The following MKLN1 variants were observed in gnomAD, a reference collection of about 807,000 sequenced individuals.
The protein encoded by MKLN1 is muskelin.
MKLN1 carries 18 observed loss-of-function variants against 99.0 expected under a neutral mutation model. The ratio of observed to expected loss-of-function variants is 0.18; its 90% CI spans 0.13 to 0.27. MKLN1 has a LOEUF of 0.27. MKLN1 is among the 10% of genes least tolerant of loss of function. The pLI, the probability that MKLN1 is intolerant of heterozygous loss-of-function variation, is 1.00. For missense variants in MKLN1, 621 were observed against 875.9 expected (o/e 0.71, Z 3.67); for synonymous variants, 288 against 293.2 (o/e 0.98, Z 0.18).
At chr7:131,189,428 T>C (rs764164804) in intron 2 of MKLN1, among the ~76,000 whole-genome samples, 2 of 152,134 alleles carry the variant, frequency 1.3e-5, no homozygotes, top group Non-Finnish European at 2.9e-5. Context: ...AGCATTTCTT[T>C]TCCTGGTATG....
intron 12 of MKLN1, among the ~76,000 whole-genome samples, chr7:131,462,037 A>G (rs895287554): frequency 2.0e-5 from 3 of 152,056 alleles, no homozygotes; most frequent in Non-Finnish European, 4.4e-5. Context: ...TTATTTATTT[A>G]TTTATTTGCT....
Position 131,138,117 on chromosome 7 carries a change from G to A in MKLN1, c.-418-4703G>A, listed in dbSNP as rs145010800. On this transcript the variant is annotated intron_variant, in intron 1 of 7. Coordinates refer to the MKLN1 transcript ENST00000416992. ...ATTTTGTATTTTTAGTAGAGACAAG[G>A]TTTCTCCATATTGGTCAGGCTGGTC... 5.4e-3 allele frequency among the ~76,000 whole-genome samples: 815 copies of A among 151,548 alleles called. 51 individuals are homozygous for A. In the East Asian group the frequency reaches 0.13, roughly 25 times the overall value.
chr7:131,469,533 G>A (rs1255003230), intron 15 of MKLN1, among the ~76,000 whole-genome samples: 4 of 152,196 alleles, frequency 2.6e-5, no homozygotes, highest in Admixed American at 1.3e-4. Context: ...TCTGAAGGCT[G>A]TAAGCCTGGC....
intron 3 of MKLN1, among the ~76,000 whole-genome samples, chr7:131,255,804 C>T (rs1797649161): frequency 6.6e-6 from 1 of 152,002 alleles, no homozygotes; most frequent in Admixed American, 6.6e-5. Flanking sequence ...TGGTCTTGAA[C>T]TCCTGACCTC....
chr7:131,151,672 G>A (rs1047192823), intron 2 of MKLN1, among the ~76,000 whole-genome samples: 3 of 152,030 alleles, frequency 2.0e-5, no homozygotes, highest in African/African-American at 4.8e-5. Context: ...TGCAGAAATG[G>A]CAATACATGT....
chr7:131,328,236 C>A (rs1291008965), intron 1 of MKLN1: 1 of 515,110 alleles, frequency 1.9e-6, no homozygotes, highest in East Asian at 3.3e-5. Flanking sequence ...GGATCCGGGG[C>A]GCGCACAGGA....
intron 2 of MKLN1, among the ~76,000 whole-genome samples, chr7:131,191,772 G>A (rs1796545057): frequency 6.8e-6 from 1 of 147,568 alleles, no homozygotes; most frequent in African/African-American, 2.5e-5. Flanking sequence ...GGAGTGCAGT[G>A]GTGCAATCTC....
At chr7:131,331,366 G>A (rs1000742180) in intron 1 of MKLN1, among the ~76,000 whole-genome samples, 2 of 152,162 alleles carry the variant, frequency 1.3e-5, no homozygotes, top group Non-Finnish European at 2.9e-5. Flanking sequence ...TGAGCATTTA[G>A]CATGTGTTCT....
At chr7:131,407,558 A>G (rs1046707369) in intron 6 of MKLN1, among the ~76,000 whole-genome samples, 2 of 151,930 alleles carry the variant, frequency 1.3e-5, no homozygotes, top group African/African-American at 4.8e-5. Context: ...GCTGTGTTCC[A>G]GGATAGCAAG....
intron 3 of MKLN1, among the ~76,000 whole-genome samples, chr7:131,273,419 G>A (rs2116562246): frequency 6.6e-6 from 1 of 152,276 alleles, no homozygotes; most frequent in South Asian, 2.1e-4. Flanking sequence ...GGGTGCCCCT[G>A]CACTTTCTGA....
At chr7:131,210,315 G>A (rs551890010) in intron 3 of MKLN1, among the ~76,000 whole-genome samples, 19 of 152,228 alleles carry the variant, frequency 1.2e-4, no homozygotes, top group Non-Finnish European at 2.5e-4. Context: ...TGGATTGCCT[G>A]AGCTCAGGAG....
At chr7:131,312,620 G>T (rs568043020) in intron 3 of MKLN1, among the ~76,000 whole-genome samples, 6 of 152,210 alleles carry the variant, frequency 3.9e-5, no homozygotes, top group African/African-American at 1.4e-4. Context: ...TTAGGACAAA[G>T]ATTTACTATC....
intron 3 of MKLN1, among the ~76,000 whole-genome samples, chr7:131,254,796 A>G (rs1244377050): frequency 6.6e-6 from 1 of 152,212 alleles, no homozygotes; most frequent in Non-Finnish European, 1.5e-5. Flanking sequence ...CCTCAGAGGA[A>G]TGTGAAATAC....
At chr7:131,367,589 A>G (rs1293214010) in intron 1 of MKLN1, among the ~76,000 whole-genome samples, 3 of 152,168 alleles carry the variant, frequency 2.0e-5, no homozygotes, top group Non-Finnish European at 4.4e-5. Flanking sequence ...CCTCTAGTGC[A>G]TGGTCTCTCA....
At chr7:131,159,562 G>A (rs974553485) in intron 2 of MKLN1, among the ~76,000 whole-genome samples, 1 of 152,114 alleles carries the variant, frequency 6.6e-6, no homozygotes, top group African/African-American at 2.4e-5. Context: ...ACCAGAGGCT[G>A]GGAAGGGAAG....
At chr7:131,358,664 G>T (rs920335901) in intron 1 of MKLN1, among the ~76,000 whole-genome samples, 14 of 152,122 alleles carry the variant, frequency 9.2e-5, no homozygotes, top group Admixed American at 6.6e-4. Context: ...TGGGCCTGGA[G>T]ATTTTCTTTT....
chr7:131,341,387 T>C (rs552125324), intron 1 of MKLN1, among the ~76,000 whole-genome samples: 2 of 152,212 alleles, frequency 1.3e-5, no homozygotes, highest in African/African-American at 4.8e-5. Context: ...AAACTACTTT[T>C]GGTGTGTATA....
chr7:131,164,019 C>A (rs1182138779), intron 2 of MKLN1, among the ~76,000 whole-genome samples: 8 of 152,026 alleles, frequency 5.3e-5, no homozygotes, highest in Admixed American at 2.0e-4. Flanking sequence ...CACAGGGCCT[C>A]GTTCCCAAAT....
At chr7:131,466,186 G>C in intron 14 of MKLN1, 90 bp from the exon 15 acceptor site, 1 of 857,354 alleles carries the variant, frequency 1.2e-6, no homozygotes, top group South Asian at 3.4e-5. Flanking sequence ...ATTTGAATGG[G>C]CTCAGGAAGT....
Sources: allele counts gnomAD v4.1 joint callset (sites outside exome capture counted in the v4.1 genomes callset), GRCh38; gene constraint gnomAD v4.1.1; transcripts MANE v1.5; gene names NCBI Gene and HGNC (gene_info 2026-07-23, HGNC 2026-07-21).